Variants in DYNC1I1 observed in about 807,000 individuals in gnomAD.
DYNC1I1 encodes the protein cytoplasmic dynein 1 intermediate chain 1.
DYNC1I1 carries 43 observed loss-of-function variants against 86.6 expected under a neutral mutation model. The ratio of observed to expected loss-of-function variants is 0.50; its 90% CI spans 0.39 to 0.64. The LOEUF is 0.64. Ranked by LOEUF, DYNC1I1 falls within the 30% of genes least tolerant of loss-of-function variation. The pLI, the probability that DYNC1I1 is intolerant of heterozygous loss-of-function variation, is 0.00. For missense variants in DYNC1I1, 604 were observed against 788.8 expected (o/e 0.77, Z 2.81); for synonymous variants, 262 against 283.7 (o/e 0.92, Z 0.77).
intron 13 of DYNC1I1, among the ~76,000 whole-genome samples, chr7:96,037,357 G>A (rs1794950093): frequency 6.6e-6 from 1 of 152,146 alleles, no homozygotes; most frequent in East Asian, 1.9e-4. Flanking sequence ...GCATTGTTAG[G>A]TTCTGCAAGG....
At chr7:96,043,550 A>AAG (rs1554438320) in intron 14 of DYNC1I1, among the ~76,000 whole-genome samples, 13 of 151,832 alleles carry the variant, frequency 8.6e-5, no homozygotes, top group Admixed American at 8.5e-4. Flanking sequence ...AAAAAAAAAA[A>AAG]ACAGAACAAA....
At chr7:96,014,588 A>G (rs536136547) in intron 10 of DYNC1I1, among the ~76,000 whole-genome samples, 8 of 152,334 alleles carry the variant, frequency 5.3e-5, no homozygotes, top group African/African-American at 1.9e-4. Context: ...ACAGCCAACA[A>G]CTGTGGATCT....
intron 6 of DYNC1I1, among the ~76,000 whole-genome samples, chr7:95,915,875 T>C (rs1385668934): frequency 1.3e-5 from 2 of 152,212 alleles, no homozygotes; most frequent in Non-Finnish European, 2.9e-5. Context: ...GGGTTTCCCA[T>C]TGCAGCTCAC....
intron 16 of DYNC1I1, among the ~76,000 whole-genome samples, chr7:96,094,655 A>C (rs1790949850): frequency 6.6e-6 from 1 of 152,200 alleles, no homozygotes; most frequent in Admixed American, 6.5e-5. Context: ...AGCTAAGATG[A>C]TACTTAAAGT....
chr7:95,780,253 C>A (rs1294871367), intron 1 of DYNC1I1, among the ~76,000 whole-genome samples: 1 of 151,804 alleles, frequency 6.6e-6, no homozygotes, highest in African/African-American at 2.4e-5. Flanking sequence ...TGCCTACAAT[C>A]ACTTAATCAC....
intron 1 of DYNC1I1, among the ~76,000 whole-genome samples, chr7:95,774,746 A>G (rs1462171648): frequency 6.6e-6 from 1 of 152,198 alleles, no homozygotes; most frequent in Non-Finnish European, 1.5e-5. Context: ...TGCTGAGTCA[A>G]GGATCCAGCC....
chr7:96,049,628 A>G (rs970578827), intron 14 of DYNC1I1, among the ~76,000 whole-genome samples: 12 of 152,318 alleles, frequency 7.9e-5, no homozygotes, highest in Admixed American at 7.8e-4. Context: ...TAAATAACAT[A>G]AGGAAAAATC....
chr7:96,022,229 G>A (rs1794568676), intron 10 of DYNC1I1, among the ~76,000 whole-genome samples: 2 of 152,086 alleles, frequency 1.3e-5, no homozygotes, highest in Non-Finnish European at 1.5e-5. Context: ...TGTCATTGTG[G>A]TTTGCACACT....
At chr7:96,056,473 C>T (rs924454065) in intron 14 of DYNC1I1, among the ~76,000 whole-genome samples, 2 of 152,150 alleles carry the variant, frequency 1.3e-5, no homozygotes, top group African/African-American at 4.8e-5. Flanking sequence ...ACTATATCTT[C>T]TTTATCAAGT....
At position 95,804,226 on chromosome 7, in the gene DYNC1I1, C is replaced by G. The variant is rs116160297; in HGVS notation, c.-9-495C>G. On this transcript the variant is annotated intron_variant, in intron 1 of 16. Transcript: ENST00000447467. ...ATAATGTTAGGCAAAATGAAATCTC[C>G]ATGCATCCGAGCTCAGTGGAGGAAT... 1,003 of 301,912 alleles carry G rather than the reference C, an allele frequency of 3.3e-3. 10 individuals carry two copies. The highest frequency in any genetic ancestry group is 0.021 in the African/African-American group (932 of 43,930). The allele number at this position is 301,912 out of a possible 1,614,324, so 18.7% of individuals were successfully genotyped here. A position where few individuals can be genotyped will look rare whatever the true frequency, so the allele number is the denominator to read the frequency against.
At chr7:95,972,954 T>G (rs1793212996) in intron 6 of DYNC1I1, among the ~76,000 whole-genome samples, 1 of 152,180 alleles carries the variant, frequency 6.6e-6, no homozygotes, top group Non-Finnish European at 1.5e-5. Flanking sequence ...ATAATGTATC[T>G]AAAAGATGCC....
intron 6 of DYNC1I1, among the ~76,000 whole-genome samples, chr7:95,888,826 G>A (rs10281621): frequency 5.3e-5 from 8 of 152,118 alleles, no homozygotes; most frequent in South Asian, 4.1e-4. Context: ...CCAGAAAAGC[G>A]TCTGTCTTCT....
intron 9 of DYNC1I1, among the ~76,000 whole-genome samples, chr7:95,990,710 T>C (rs781527078): frequency 2.0e-4 from 31 of 152,108 alleles, no homozygotes; most frequent in Non-Finnish European, 3.8e-4. Flanking sequence ...TTATTGTGAG[T>C]GTTAAATGAA....
chr7:95,963,702 C>T (rs1792932637), intron 6 of DYNC1I1, among the ~76,000 whole-genome samples: 1 of 152,140 alleles, frequency 6.6e-6, no homozygotes, highest in Admixed American at 6.5e-5. Context: ...GAGGGATTGT[C>T]AGTAGAAAGT....
chr7:95,851,486 G>A (rs1198887540), intron 5 of DYNC1I1, among the ~76,000 whole-genome samples: 3 of 152,166 alleles, frequency 2.0e-5, no homozygotes, highest in Non-Finnish European at 4.4e-5. Flanking sequence ...ACTATGGAAA[G>A]CAAAACCTTG....
intron 16 of DYNC1I1, among the ~76,000 whole-genome samples, chr7:96,096,186 T>C (rs1392483942): frequency 7.2e-5 from 11 of 152,154 alleles, no homozygotes; most frequent in Non-Finnish European, 1.6e-4. Context: ...ATAAGTTTTC[T>C]TGGACAGATA....
chr7:96,028,314 C>A lies in DYNC1I1; in HGVS notation c.1109C>A (p.Ala370Glu). 1 of 1,605,982 alleles carries A rather than the reference C, an allele frequency of 6.2e-7. No individual in the cohort carries two copies. The highest frequency in any genetic ancestry group is 8.5e-7 in the Non-Finnish European group (1 of 1,173,674). Residue 370 changes from alanine to glutamate, a missense_variant, in exon 11 of 17, where the codon GCA becomes GAA. Physicochemically the swap from Ala to Glu is moderately radical, Grantham distance 107. Transcript: ENST00000447467. Reference sequence around the variant, plus strand: ...CAGCGGACACCCTTATCAGCTGCTGCACACACGGTAATGCAAACTTTTGCC... The same window carrying A: ...CAGCGGACACCCTTATCAGCTGCTGAACACACGGTAATGCAAACTTTTGCC... ...PVQRTPLSAA[A>E]HTHPVYCVNV...
chr7:95,982,977 A>G (rs1477484457), intron 7 of DYNC1I1, among the ~76,000 whole-genome samples: 1 of 152,186 alleles, frequency 6.6e-6, no homozygotes, highest in African/African-American at 2.4e-5. Context: ...TAATTCTTAA[A>G]CCAGACTTAA....
intron 16 of DYNC1I1, among the ~76,000 whole-genome samples, chr7:96,083,252 A>T (rs554725855): frequency 6.6e-6 from 1 of 152,284 alleles, no homozygotes; most frequent in Admixed American, 6.5e-5. Context: ...AAAAACTCAG[A>T]CTTAACAAAA....
Sources: allele counts gnomAD v4.1 joint callset (sites outside exome capture counted in the v4.1 genomes callset), GRCh38; gene constraint gnomAD v4.1.1; transcripts MANE v1.5; gene names NCBI Gene and HGNC (gene_info 2026-07-23, HGNC 2026-07-21).